Variants in SLC2A14 observed in about 807,000 individuals in gnomAD.
SLC2A14 encodes solute carrier family 2 member 14.
A neutral mutation model predicts 43.0 loss-of-function variants in SLC2A14; 13 were observed. That is an observed-to-expected ratio of 0.30 (90% CI 0.20 to 0.48). The LOEUF is 0.48. Among genes scored for constraint, SLC2A14 ranks in the 20% least tolerant of loss-of-function variants. SLC2A14 has a pLI of 0.99. For synonymous variants in SLC2A14, 190 were observed against 233.8 expected, an observed-to-expected ratio of 0.81 and a Z score of 1.71; for missense variants, 428 against 620.4, an observed-to-expected ratio of 0.69 and a Z score of 3.29.
At chr12:7,839,723 G>A in intron 2 of SLC2A14, 1 of 400,482 alleles carries the variant, frequency 2.5e-6, no homozygotes, top group Non-Finnish European at 4.9e-6. Flanking sequence ...GGACCTTTTG[G>A]GAAGTGACTG....
intron 2 of SLC2A14, among the ~76,000 whole-genome samples, chr12:7,839,178 A>G (rs2120840897): frequency 6.8e-6 from 1 of 146,560 alleles, no homozygotes; most frequent in South Asian, 2.3e-4. Context: ...TTGAAGAAGA[A>G]AATATCAAGG....
intron 2 of SLC2A14, among the ~76,000 whole-genome samples, chr12:7,840,530 C>T (rs1320700692): frequency 6.6e-6 from 1 of 151,492 alleles, no homozygotes; most frequent in Non-Finnish European, 1.5e-5. Flanking sequence ...CAGGCACCCG[C>T]CACCACACCC....
rs1294094252 is a variant in SLC2A14, at chr12:7,878,992, A to AAC, written c.132+12003_132+12004insGT. On this transcript the variant is annotated intron_variant, in intron 1 of 9. Coordinates refer to the SLC2A14 transcript ENST00000539924. ...AGTCCGTCTCAAAAAAAAAAAAAAA[A>AAC]AAAAAAAAAAAAACAATTTGTCTTT... Among the ~76,000 whole-genome samples the AAC allele has an allele frequency of 4.4e-4, 40 of 90,730 alleles. 1 individual carries two copies. The South Asian group carries it at 5.1e-3, about 12-fold the overall frequency. 59.5% of individuals were successfully genotyped at this position (90,730 alleles called of 152,430 possible). A position where few individuals can be genotyped will look rare whatever the true frequency, so the allele number is the denominator to read the frequency against.
intron 7 of SLC2A14, among the ~76,000 whole-genome samples, chr12:7,824,156 T>G (rs943291075): frequency 1.3e-5 from 2 of 151,858 alleles, no homozygotes; most frequent in African/African-American, 4.8e-5. Context: ...CTCAGGAGGC[T>G]GAGACAGGAG....
intron 7 of SLC2A14, among the ~76,000 whole-genome samples, chr12:7,824,168 A>G (rs1220474908): frequency 1.3e-5 from 2 of 151,846 alleles, no homozygotes; most frequent in Non-Finnish European, 2.9e-5. Flanking sequence ...AGACAGGAGA[A>G]TTGCTTGAAC....
chr12:7,891,064 G>A lies in SLC2A14; in HGVS notation c.64C>T (p.Arg22Trp), dbSNP rs970990855. 1.0e-5 allele frequency: 16 copies of A among 1,534,746 alleles called. 1 individual carries two copies. The highest frequency in any genetic ancestry group is 7.9e-5 in the Admixed American group (4 of 50,932). Residue 22 changes from arginine to tryptophan, a missense_variant, in exon 1 of 10, where the codon CGG becomes TGG. Arg to Trp is a moderately radical substitution (Grantham distance 101). Transcript: ENST00000539924. Reference sequence around the variant, plus strand: ...GTCTGAGAAGAAAAAAAGAAATGCCGCATTTCATCTCCTTGTTTCACACCC... The same window carrying A: ...GTCTGAGAAGAAAAAAAGAAATGCCACATTTCATCTCCTTGTTTCACACCC...
At chr12:7,861,927 A>C (rs1483617233) in intron 2 of SLC2A14, among the ~76,000 whole-genome samples, 2 of 148,382 alleles carry the variant, frequency 1.3e-5, no homozygotes, top group Admixed American at 6.9e-5. Flanking sequence ...ACGCCACTGC[A>C]CTCCAGCCTG....
intron 2 of SLC2A14, chr12:7,839,995 C>A: frequency 2.8e-6 from 1 of 360,230 alleles, no homozygotes. Flanking sequence ...ACTTGTAGTC[C>A]CAGCTACTCG....
intron 2 of SLC2A14, chr12:7,856,156 T>A (rs1867353462): frequency 6.6e-6 from 1 of 152,192 alleles, no homozygotes; most frequent in Non-Finnish European, 1.5e-5. Flanking sequence ...CTGGTTTTCT[T>A]AAGAATGTGC....
intron 1 of SLC2A14, chr12:7,870,891 C>T: frequency 3.7e-6 from 5 of 1,352,248 alleles, no homozygotes; most frequent in Admixed American, 2.2e-5. Context: ...CACCAAGAAG[C>T]GACCACAGCA....
intron 2 of SLC2A14, chr12:7,839,924 CAAAAAAAAAAAAAAA>C (rs57569188): frequency 1.0e-3 from 174 of 167,818 alleles, no homozygotes; most frequent in Middle Eastern, 2.7e-3. Context: ...CCTGTCTCTA[CAAAAAAAAAAAAAAA>C]AAAAAAAAAA....
intron 1 of SLC2A14, among the ~76,000 whole-genome samples, chr12:7,887,704 A>T (rs777105834): frequency 6.6e-6 from 1 of 152,176 alleles, no homozygotes; most frequent in South Asian, 2.1e-4. Context: ...GCTGCACTTG[A>T]CCTTTTCTAA....
chr12:7,826,636 A>T (rs1224463429), intron 7 of SLC2A14, among the ~76,000 whole-genome samples: 2 of 152,066 alleles, frequency 1.3e-5, no homozygotes, highest in Non-Finnish European at 2.9e-5. Context: ...TCTTCCCACA[A>T]TCCACACTCA....
intron 2 of SLC2A14, among the ~76,000 whole-genome samples, chr12:7,837,423 TG>T: frequency 6.6e-6 from 1 of 152,180 alleles, no homozygotes; most frequent in Middle Eastern, 3.4e-3. Context: ...GAGGATCACC[TG>T]AAGTTGGGAG....
intron 2 of SLC2A14, among the ~76,000 whole-genome samples, chr12:7,849,107 C>T (rs193176453): frequency 6.6e-6 from 1 of 151,724 alleles, no homozygotes. Context: ...AGCCCACCTC[C>T]GTCTCCCAAA....
intron 1 of SLC2A14, 68 bp downstream of exon 1, chr12:7,872,739 C>A (rs1945306671): frequency 2.0e-6 from 2 of 981,582 alleles, no homozygotes; most frequent in South Asian, 9.4e-5. Context: ...CTAGCTCGGC[C>A]ACCTCTACCC....
chr12:7,889,376 C>G (rs942014531), intron 1 of SLC2A14, among the ~76,000 whole-genome samples: 4 of 150,818 alleles, frequency 2.7e-5, no homozygotes, highest in Non-Finnish European at 5.9e-5. Context: ...TGAGAGATTA[C>G]AGGCATGCAC....
At chr12:7,863,062 T>C (rs1019972482) in intron 2 of SLC2A14, among the ~76,000 whole-genome samples, 1 of 152,128 alleles carries the variant, frequency 6.6e-6, no homozygotes, top group African/African-American at 2.4e-5. Context: ...GCTTTGTTGT[T>C]TCACTCTTTG....
upstream of SLC2A14, among the ~76,000 whole-genome samples, chr12:7,876,654 G>A (rs10846098): frequency 0.13 from 20,092 of 151,952 alleles, 1,567 homozygotes; most frequent in East Asian, 0.35. Flanking sequence ...CATATTCATT[G>A]CAGCATTATT....
Sources: gnomAD v4.1 joint callset for allele counts (sites outside exome capture counted in the v4.1 genomes callset) on GRCh38, gnomAD v4.1.1 for gene constraint, MANE v1.5 for transcripts, NCBI Gene and HGNC (gene_info 2026-07-23, HGNC 2026-07-21) for gene names.